The following TTC28 variants were observed in gnomAD, a reference collection of about 807,000 sequenced individuals.
TTC28 encodes tetratricopeptide repeat domain 28.
TTC28 carries 61 observed loss-of-function variants against 198.0 expected under a neutral mutation model. That is an observed-to-expected ratio of 0.31 (90% confidence interval 0.25 to 0.38). TTC28 has a LOEUF of 0.38. TTC28 is among the 10% of genes least tolerant of loss of function. The probability of loss-of-function intolerance (pLI) is 1.00; values close to 1 mark genes in which losing one functional copy is unlikely to be tolerated. For synonymous variants in TTC28, 1,171 were observed against 1,297.8 expected (o/e 0.90, Z 2.10); for missense variants, 2,678 against 3,164.0 (o/e 0.85, Z 3.69).
At chr22:28,124,332 G>C (rs1942865869) in intron 6 of TTC28, among the ~76,000 whole-genome samples, 1 of 152,082 alleles carries the variant, frequency 6.6e-6, no homozygotes, top group Non-Finnish European at 1.5e-5. Flanking sequence ...TTGGGTGCTA[G>C]CCAAATCCCT....
intron 2 of TTC28, among the ~76,000 whole-genome samples, chr22:28,398,050 G>GA (rs1420041637): frequency 1.1e-4 from 17 of 152,206 alleles, no homozygotes; most frequent in African/African-American, 3.9e-4. Flanking sequence ...TCTTCAAGGT[G>GA]ACACATGTTG....
chr22:28,342,089 T>A (rs1240259049), intron 2 of TTC28, among the ~76,000 whole-genome samples: 1 of 152,240 alleles, frequency 6.6e-6, no homozygotes, highest in Non-Finnish European at 1.5e-5. Context: ...AAGTGATCTA[T>A]CTTTGGGTTT....
At chr22:28,464,565 CTAAA>C (rs1379346170) in intron 2 of TTC28, among the ~76,000 whole-genome samples, 1 of 151,958 alleles carries the variant, frequency 6.6e-6, no homozygotes, top group Non-Finnish European at 1.5e-5. Flanking sequence ...ATGAAAAAGA[CTAAA>C]TTAAGTGGTG....
At chr22:28,532,531 G>A (rs2049163350) in intron 2 of TTC28, among the ~76,000 whole-genome samples, 1 of 152,168 alleles carries the variant, frequency 6.6e-6, no homozygotes, top group Admixed American at 6.5e-5. Flanking sequence ...AAAAGAAAAA[G>A]AGGCAATCCT....
At chr22:28,296,382 A>T in intron 4 of TTC28, 54 bp from the exon 5 acceptor site, 1 of 1,376,484 alleles carries the variant, frequency 7.3e-7, no homozygotes, top group Non-Finnish European at 9.6e-7. Flanking sequence ...TTATAATGTT[A>T]TTTATAACAT....
intron 5 of TTC28, among the ~76,000 whole-genome samples, chr22:28,289,312 A>C (rs779962691): frequency 3.9e-5 from 6 of 152,168 alleles, no homozygotes; most frequent in Non-Finnish European, 8.8e-5. Flanking sequence ...AATACTTTGG[A>C]GTTACCAGCA....
At chr22:28,551,689 T>A (rs534606885) in intron 2 of TTC28, among the ~76,000 whole-genome samples, 1 of 152,260 alleles carries the variant, frequency 6.6e-6, no homozygotes, top group East Asian at 1.9e-4. Flanking sequence ...TCTTTATGAC[T>A]AAAACCCTCA....
At chr22:28,130,173 G>C (rs1020701420) in intron 6 of TTC28, among the ~76,000 whole-genome samples, 2 of 152,088 alleles carry the variant, frequency 1.3e-5, no homozygotes, top group South Asian at 2.1e-4. Context: ...TTACATTATA[G>C]TCTTTCCTTT....
In TTC28 at chr22:28,108,082, C is replaced by T. The variant is rs573380574; in HGVS notation, c.1763G>A (p.Arg588Gln). ...GGCCCGGGCCTCGCTCTGGATGTCT[C>T]GTAGCTCCCGGGCGATGTTCAAGTG... The part of the protein sequence containing the change: ...QNHLNIAREL[R>Q]DIQSEARALS... Residue 588 changes from arginine (R) to glutamine (Q), a missense_variant, in exon 7 of 23, where the codon CGA becomes CAA. Arg to Gln is a conservative substitution (Grantham distance 43, BLOSUM62 1). This residue lies in a region of TTC28 where 775 missense variants were observed against 845.9 expected (regional missense o/e 0.92). Transcript: ENST00000397906. The T allele has an allele frequency of 1.2e-5, 18 of 1,551,560 alleles. No individual in the cohort carries two copies. The highest frequency in any genetic ancestry group is 9.5e-5 in the South Asian group (8 of 84,042).
rs183008275 is a variant in TTC28 at position 28,429,473 on chromosome 22, T to C, written c.382-122830A>G. Among the ~76,000 whole-genome samples the C allele has an allele frequency of 5.3e-5, 8 of 152,190 alleles. No individual in the cohort carries two copies. The South Asian group carries it at 1.4e-3, about 28-fold the overall frequency. ...GAAATTCCTATAAAATGTGAACAAATAGGTGCTAACTGAAAAAAAACTCAG... is the reference window on the plus strand; with the variant it reads ...GAAATTCCTATAAAATGTGAACAAACAGGTGCTAACTGAAAAAAAACTCAG... On this transcript the variant is annotated intron_variant, in intron 2 of 22. Coordinates refer to ENST00000397906, the MANE Select transcript of TTC28 (RefSeq NM_001145418.2).
chr22:28,417,653 A>G (rs1361085899), intron 2 of TTC28, among the ~76,000 whole-genome samples: 1 of 152,244 alleles, frequency 6.6e-6, no homozygotes, highest in Non-Finnish European at 1.5e-5. Flanking sequence ...ACCAAGGCAT[A>G]TGCACATGCA....
chr22:28,296,223 A>T lies in TTC28; in HGVS notation c.908T>A (p.Leu303His). The T allele has an allele frequency of 6.5e-7, 1 of 1,549,882 alleles. No individual in the cohort carries two copies. Among genetic ancestry groups the T allele is most frequent in the Non-Finnish European group, 8.7e-7 (1 of 1,145,958 alleles). Reference sequence around the variant, plus strand: ...CTCTCGATCTTTGAGTTTCATGGCGAGTACCAACTGATGCCTGTGGTTAGT... The same window carrying T: ...CTCTCGATCTTTGAGTTTCATGGCGTGTACCAACTGATGCCTGTGGTTAGT... Reference protein sequence around the residue: ...ALTNHRHQLVLAMKLKDREAA... With the variant: ...ALTNHRHQLVHAMKLKDREAA... Residue 303 changes from leucine (L) to histidine (H), a missense_variant, in exon 5 of 23, where the codon CTC becomes CAC. Leu to His is a moderately conservative substitution (Grantham distance 99). This residue lies in a region of TTC28 where 775 missense variants were observed against 845.9 expected (regional missense o/e 0.92). Coordinates refer to ENST00000397906, the MANE Select transcript of TTC28 (RefSeq NM_001145418.2).
chr22:28,388,562 T>A (rs1254503632), intron 2 of TTC28, among the ~76,000 whole-genome samples: 1 of 152,220 alleles, frequency 6.6e-6, no homozygotes, highest in African/African-American at 2.4e-5. Context: ...GTCCTTCACA[T>A]CCCTTGTAAT....
chr22:28,145,609 C>T (rs1943451938), intron 6 of TTC28, among the ~76,000 whole-genome samples: 1 of 152,178 alleles, frequency 6.6e-6, no homozygotes, highest in South Asian at 2.1e-4. Context: ...AGTTTGTCAG[C>T]AAGAGATGAA....
intron 2 of TTC28, among the ~76,000 whole-genome samples, chr22:28,401,076 A>G (rs2046898763): frequency 6.6e-6 from 1 of 151,930 alleles, no homozygotes; most frequent in African/African-American, 2.4e-5. Context: ...AATGGAAATC[A>G]GGGAAGTATG....
intron 5 of TTC28, among the ~76,000 whole-genome samples, chr22:28,188,678 C>G (rs1601446733): frequency 6.6e-6 from 1 of 152,152 alleles, no homozygotes; most frequent in African/African-American, 2.4e-5. Context: ...TGGTGAGATT[C>G]TCCTCACCCA....
chr22:28,497,807 A>G (rs531633896), intron 2 of TTC28, among the ~76,000 whole-genome samples: 1 of 152,318 alleles, frequency 6.6e-6, no homozygotes, highest in Non-Finnish European at 1.5e-5. Flanking sequence ...ACAAGAGTTG[A>G]AAAATGTTTG....
chr22:28,003,379 G>A (rs1354711717), intron 14 of TTC28, among the ~76,000 whole-genome samples: 3 of 152,182 alleles, frequency 2.0e-5, no homozygotes, highest in Non-Finnish European at 4.4e-5. Context: ...GAACTGTGCT[G>A]CCTGAGAATG....
rs751181946 is a variant in TTC28, at chr22:28,630,089, CCT to C, written c.103-261_103-260del. Among the ~76,000 whole-genome samples, 6 of 151,526 alleles carry C rather than the reference CCT, an allele frequency of 4.0e-5. No homozygotes were observed. The South Asian group carries it at 6.3e-4, about 16-fold the overall frequency. ...GTTGTTAAGAGACCTGCCACTAGCC[CCT>C]CTCTCTCTCTTGCTTCCTCTCACTT... On this transcript the variant is annotated intron_variant, in intron 1 of 22. Coordinates refer to ENST00000397906, the MANE Select transcript of TTC28 (RefSeq NM_001145418.2).
Sources: allele counts gnomAD v4.1 joint callset (sites outside exome capture counted in the v4.1 genomes callset), GRCh38; gene constraint gnomAD v4.1.1; regional missense constraint gnomAD v4.1.1; transcripts MANE v1.5; gene names NCBI Gene and HGNC (gene_info 2026-07-23, HGNC 2026-07-21).